Variants in MFSD6 observed in about 807,000 individuals in gnomAD.
MFSD6 encodes the protein major facilitator superfamily domain-containing protein 6.
A neutral mutation model predicts 56.3 loss-of-function variants in MFSD6; 26 were observed. The ratio of observed to expected loss-of-function variants is 0.46; its 90% CI spans 0.34 to 0.64. MFSD6 has a LOEUF of 0.64. MFSD6 is among the 30% of genes least tolerant of loss of function. The pLI, the probability that MFSD6 is intolerant of heterozygous loss-of-function variation, is 0.01. For synonymous variants in MFSD6, 331 were observed against 366.9 expected (o/e 0.90, Z 1.12); for missense variants, 750 against 986.2 (o/e 0.76, Z 3.21).
chr2:190,418,437 T>C lies in MFSD6; in HGVS notation c.-54+3024T>C, dbSNP rs968751577. On this transcript the variant is annotated intron_variant, in intron 2 of 7. Transcript: ENST00000392328. The surrounding 1 kb of genome is among the most constrained non-coding windows in gnomAD (Gnocchi z 4.1). ...TTATGATCTAGCAGTCAGGTTTTAC[T>C]AGGAGCCTTGGAAAGGCCCACCAAG... Among the ~76,000 whole-genome samples, 1 of 152,172 alleles carries C rather than the reference T, an allele frequency of 6.6e-6. No individual in the cohort carries two copies. Among genetic ancestry groups the C allele is most frequent in the Non-Finnish European group, 1.5e-5 (1 of 68,028 alleles).
At chr2:190,408,703 C>G (rs1346932786) in intron 1 of MFSD6, among the ~76,000 whole-genome samples, 200 bp downstream of exon 1, 1 of 94,708 alleles carries the variant, frequency 1.1e-5, no homozygotes, top group Non-Finnish European at 3.1e-5. Flanking sequence ...CGCTCCCTCC[C>G]TCCCTCCCTC....
At chr2:190,480,984 G>A (rs1282670836) in intron 4 of MFSD6, among the ~76,000 whole-genome samples, 3 of 152,240 alleles carry the variant, frequency 2.0e-5, no homozygotes, top group Non-Finnish European at 4.4e-5. Context: ...GAATTAAGCT[G>A]AAGCCTAATG....
chr2:190,481,822 G>C (rs552922472), intron 4 of MFSD6, among the ~76,000 whole-genome samples: 1 of 152,344 alleles, frequency 6.6e-6, no homozygotes, highest in African/African-American at 2.4e-5. Context: ...GCAGCACACA[G>C]AAGATCCATG....
chr2:190,446,346 T>G (rs563433957), intron 3 of MFSD6, among the ~76,000 whole-genome samples: 1 of 152,176 alleles, frequency 6.6e-6, no homozygotes, highest in Non-Finnish European at 1.5e-5. Flanking sequence ...GTTTGGGAAG[T>G]TCCCCCAGAT....
intron 4 of MFSD6, among the ~76,000 whole-genome samples, chr2:190,482,964 T>C (rs1236541381): frequency 7.4e-6 from 1 of 135,836 alleles, no homozygotes; most frequent in Non-Finnish European, 1.5e-5. Flanking sequence ...CAATCTCGGC[T>C]CACTGCAAGC....
intron 3 of MFSD6, among the ~76,000 whole-genome samples, chr2:190,440,414 C>T (rs1012553245): frequency 6.6e-6 from 1 of 152,082 alleles, no homozygotes; most frequent in South Asian, 2.1e-4. Flanking sequence ...CTAAATATTT[C>T]CACTTTTAAA....
chr2:190,499,817 A>G lies in MFSD6; in HGVS notation c.2173-198A>G. 1 of 1,534,090 alleles carries G rather than the reference A, an allele frequency of 6.5e-7. No individual in the cohort carries two copies. Among genetic ancestry groups the G allele is most frequent in the Non-Finnish European group, 8.8e-7 (1 of 1,136,700 alleles). ...TCTGCTTATAGTGTTTGTGTTTTTC[A>G]TGCGGCTCTGGCAGTTGCACATAGG... On this transcript the variant is annotated intron_variant, in intron 7 of 7. Coordinates refer to ENST00000392328, the MANE Select transcript of MFSD6 (RefSeq NM_017694.4). This position sits in a 1 kb window ranked among gnomAD's most constrained non-coding sequence, Gnocchi z 6.0.
Position 190,435,973 on chromosome 2 carries a change from A to C in MFSD6, c.-53-4A>C. 1.3e-6 allele frequency: 2 copies of C among 1,528,650 alleles called. No individual in the cohort carries two copies. The highest frequency in any genetic ancestry group is 2.6e-5 in the South Asian group (2 of 75,832). The allele number at this position is 1,528,650 out of a possible 1,614,324, so 94.7% of individuals were successfully genotyped here. A position where few individuals can be genotyped will look rare whatever the true frequency, so the allele number is the denominator to read the frequency against. Reference sequence around the variant, plus strand: ...TAAGCCATCTTTTAAATTTTACTTTACAGATCAACAGTACAAATTCTGAAG... The same window carrying C: ...TAAGCCATCTTTTAAATTTTACTTTCCAGATCAACAGTACAAATTCTGAAG... On this transcript the variant is annotated splice_region_variant and splice_polypyrimidine_tract_variant and intron_variant, in intron 2 of 7. Coordinates refer to ENST00000392328, the MANE Select transcript of MFSD6 (RefSeq NM_017694.4).
intron 4 of MFSD6, among the ~76,000 whole-genome samples, chr2:190,478,958 A>G (rs556066733): frequency 9.3e-4 from 142 of 152,272 alleles, no homozygotes; most frequent in African/African-American, 3.4e-3. Flanking sequence ...GAGACAAAAG[A>G]TGTGCCTCAT....
intron 3 of MFSD6, chr2:190,464,823 C>A: frequency 1.4e-6 from 1 of 731,610 alleles, no homozygotes; most frequent in Non-Finnish European, 1.7e-6. Flanking sequence ...TTTTACTCCC[C>A]TCACAGTATA....
At position 190,461,528 on chromosome 2, in the gene MFSD6, A is replaced by T. The variant is rs1429746422; in HGVS notation, c.1533-8230A>T. ...TGCAATGTCTTTTACCTTGCTTTAA[A>T]TGCCAAACAGTTCTGGAGGCTGGGA... On this transcript the variant is annotated intron_variant, in intron 3 of 7. Coordinates refer to ENST00000392328, the MANE Select transcript of MFSD6 (RefSeq NM_017694.4). The surrounding 1 kb of genome is among the most constrained non-coding windows in gnomAD (Gnocchi z 5.5). Among the ~76,000 whole-genome samples, 3 of 152,208 alleles carry T rather than the reference A, an allele frequency of 2.0e-5. No individual in the cohort carries two copies. Among genetic ancestry groups the T allele is most frequent in the Admixed American group, 2.0e-4 (3 of 15,282 alleles).
At chr2:190,466,313 T>C (rs1388432652) in intron 3 of MFSD6, among the ~76,000 whole-genome samples, 2 of 152,220 alleles carry the variant, frequency 1.3e-5, no homozygotes, top group Non-Finnish European at 2.9e-5. Flanking sequence ...ACTATGGCAG[T>C]TTAAATATCC....
In MFSD6 at chr2:190,446,912, T is replaced by G. The variant is rs564288425; in HGVS notation, c.1532+9351T>G. Reference sequence around the variant, plus strand: ...ATTTCAGGGGTGAGGGACTTAGGGATTCTGAGGATCTCTCCCAGTGCACTG... The same window carrying G: ...ATTTCAGGGGTGAGGGACTTAGGGAGTCTGAGGATCTCTCCCAGTGCACTG... On this transcript the variant is annotated intron_variant, in intron 3 of 7. Transcript: ENST00000392328. Among the ~76,000 whole-genome samples, 3 of 152,310 alleles carry G rather than the reference T, an allele frequency of 2.0e-5. No homozygotes were observed. The East Asian group carries it at 5.8e-4, about 29-fold the overall frequency.
In MFSD6 at chr2:190,458,910, C is replaced by T. The variant is rs1300676596; in HGVS notation, c.1533-10848C>T. 6.6e-6 allele frequency among the ~76,000 whole-genome samples: 1 copy of T among 152,180 alleles called. No homozygotes were observed. Among genetic ancestry groups the T allele is most frequent in the Admixed American group, 6.5e-5 (1 of 15,274 alleles). ...CCTGCGCCAGAGGTCCCAGGCAGCT[C>T]TAGGATCAAGTTCAGCTGAGAACAG... On this transcript the variant is annotated intron_variant, in intron 3 of 7. Transcript: ENST00000392328. This position sits in a 1 kb window ranked among gnomAD's most constrained non-coding sequence, Gnocchi z 5.3.
At chr2:190,429,987 C>T (rs1385140074) in intron 2 of MFSD6, among the ~76,000 whole-genome samples, 5 of 151,348 alleles carry the variant, frequency 3.3e-5, no homozygotes, top group Non-Finnish European at 5.9e-5. Flanking sequence ...CTAATGCTAT[C>T]CCTCCCCCAG....
rs1461515479 is a variant in MFSD6, at chr2:190,465,249, CAATT to C, written c.1533-4508_1533-4505del. Among the ~76,000 whole-genome samples, 1 of 152,140 alleles carries C rather than the reference CAATT, an allele frequency of 6.6e-6. No individual in the cohort carries two copies. Among genetic ancestry groups the C allele is most frequent in the Admixed American group, 6.5e-5 (1 of 15,272 alleles). On this transcript the variant is annotated intron_variant, in intron 3 of 7. Transcript: ENST00000392328. The surrounding 1 kb of genome is among the most constrained non-coding windows in gnomAD (Gnocchi z 4.6). Reference sequence around the variant, plus strand: ...TTCTGCTGCATCATTTGCTTCTTATCAATTGTGTTCCTCTTTATAGATAACTTCA... The same window carrying C: ...TTCTGCTGCATCATTTGCTTCTTATCGTGTTCCTCTTTATAGATAACTTCA...
At chr2:190,441,616 T>C (rs1686381687) in intron 3 of MFSD6, among the ~76,000 whole-genome samples, 3 of 152,120 alleles carry the variant, frequency 2.0e-5, no homozygotes, top group Admixed American at 2.0e-4. Context: ...CATGTGCTGG[T>C]CAGTACTCAG....
chr2:190,409,715 G>A (rs368896672), intron 1 of MFSD6, among the ~76,000 whole-genome samples: 4 of 152,214 alleles, frequency 2.6e-5, no homozygotes, highest in African/African-American at 9.6e-5. Context: ...CAAGATGTGG[G>A]CACTAGCCAG....
intron 3 of MFSD6, among the ~76,000 whole-genome samples, chr2:190,455,477 A>T (rs1377142330): frequency 6.6e-6 from 1 of 152,150 alleles, no homozygotes; most frequent in Non-Finnish European, 1.5e-5. Flanking sequence ...ACAGGATTTG[A>T]CAGCAGAAGA....
Sources: gnomAD v4.1 joint callset for allele counts (sites outside exome capture counted in the v4.1 genomes callset) on GRCh38, gnomAD v4.1.1 for gene constraint, Gnocchi (gnomAD v3.1) non-coding constraint, MANE v1.5 for transcripts, NCBI Gene and HGNC (gene_info 2026-07-23, HGNC 2026-07-21) for gene names.